The following MTMR6 variants were observed in gnomAD, a reference collection of about 807,000 sequenced individuals.
The protein encoded by MTMR6 is myotubularin related protein 6.
Under a neutral mutation model 80.1 loss-of-function variants are expected in MTMR6, and 47 were observed. The observed-to-expected ratio is 0.59, with a 90% CI of 0.46 to 0.75. The LOEUF (loss-of-function observed/expected upper bound fraction) is 0.75. Ranked by LOEUF, MTMR6 falls within the 30% of genes least tolerant of loss-of-function variation. The pLI is 0.00. For missense variants in MTMR6, 629 were observed against 730.9 expected (o/e 0.86, Z 1.61); for synonymous variants, 254 against 253.0 (o/e 1.00, Z -0.04).
rs555671827 is a variant in MTMR6, at chr13:25,256,892, T to C, written c.1095+304A>G. Among the ~76,000 whole-genome samples the C allele has an allele frequency of 5.3e-5, 8 of 152,258 alleles. No individual in the cohort carries two copies. The East Asian group carries it at 1.2e-3, about 22-fold the overall frequency. On this transcript the variant is annotated intron_variant, in intron 9 of 13. Transcript: ENST00000381801. ...ATTGCAACATTTTAGGAAAAAAAAT[T>C]ATTTAAATCTAAAGCTTATTGTCAG...
rs1957099513 is a variant in MTMR6, at chr13:25,251,992, T to C, written c.1347-8A>G. ...TAAGTCTTCTCCTTCAACCTTAATA[T>C]AATGAGAAAAACACAGAGATCTTTC... On this transcript the variant is annotated splice_region_variant and splice_polypyrimidine_tract_variant and intron_variant, in intron 11 of 13. Coordinates refer to ENST00000381801, the MANE Select transcript of MTMR6 (RefSeq NM_004685.5). The surrounding 1 kb of genome is among the most constrained non-coding windows in gnomAD (Gnocchi z 4.1). 6.2e-7 allele frequency: 1 copy of C among 1,606,188 alleles called. No homozygotes were observed. Among genetic ancestry groups the C allele is most frequent in the Admixed American group, 1.7e-5 (1 of 58,422 alleles).
chr13:25,263,932 C>CA (rs1957394686), intron 5 of MTMR6, among the ~76,000 whole-genome samples: 2 of 152,036 alleles, frequency 1.3e-5, no homozygotes, highest in South Asian at 4.1e-4. Flanking sequence ...TCCCAAGATA[C>CA]AAACCATTCC....
At chr13:25,271,049 G>A (rs923363507) in intron 2 of MTMR6, among the ~76,000 whole-genome samples, 2 of 152,134 alleles carry the variant, frequency 1.3e-5, no homozygotes, top group Non-Finnish European at 2.9e-5. Context: ...TTATGTGGGT[G>A]CTAAGCTCGA....
At position 25,273,759 on chromosome 13, in the gene MTMR6, T is replaced by G. The variant is rs373014872; in HGVS notation, c.141+312A>C. On this transcript the variant is annotated intron_variant, in intron 2 of 13. Coordinates refer to ENST00000381801, the MANE Select transcript of MTMR6 (RefSeq NM_004685.5). ...CCAGGCTGGTCTTGAACTCCTGACCTCGTGATCCACCCACCTCGGCCTCCC... is the reference window on the plus strand; with the variant it reads ...CCAGGCTGGTCTTGAACTCCTGACCGCGTGATCCACCCACCTCGGCCTCCC... Among the ~76,000 whole-genome samples the G allele has an allele frequency of 4.6e-5, 7 of 152,246 alleles. No homozygotes were observed. In the East Asian group the frequency reaches 9.7e-4, roughly 21 times the overall value.
chr13:25,253,604 G>A (rs1392488558), intron 11 of MTMR6, among the ~76,000 whole-genome samples, 160 bp downstream of exon 11: 1 of 151,846 alleles, frequency 6.6e-6, no homozygotes, highest in Non-Finnish European at 1.5e-5. Context: ...GAAAGGTGGG[G>A]GAATATTAGA....
At chr13:25,275,660 G>A (rs1475926761) in intron 1 of MTMR6, among the ~76,000 whole-genome samples, 1 of 151,924 alleles carries the variant, frequency 6.6e-6, no homozygotes, top group African/African-American at 2.4e-5. Flanking sequence ...AGGAGTTCAA[G>A]ACCAGCCTGC....
At chr13:25,252,049 A>G (rs1194682462) in intron 11 of MTMR6, 65 bp from the exon 12 acceptor site, 3 of 1,525,108 alleles carry the variant, frequency 2.0e-6, no homozygotes, top group African/African-American at 2.8e-5. Flanking sequence ...GGTAATATTC[A>G]TTTTTATAAA....
chr13:25,257,701 G>A (rs1460578092), intron 8 of MTMR6, 35 bp downstream of exon 8: 1 of 1,471,876 alleles, frequency 6.8e-7, no homozygotes, highest in African/African-American at 1.4e-5. Context: ...AATCATTATA[G>A]ACCCCAAGAC....
chr13:25,269,306 T>C (rs1957518510), intron 2 of MTMR6, among the ~76,000 whole-genome samples: 2 of 152,198 alleles, frequency 1.3e-5, no homozygotes, highest in Admixed American at 6.5e-5. Flanking sequence ...GCCAGAAATA[T>C]GGATGTCATC....
chr13:25,273,830 A>G (rs1305460267), intron 2 of MTMR6, among the ~76,000 whole-genome samples: 2 of 152,120 alleles, frequency 1.3e-5, no homozygotes, highest in African/African-American at 4.8e-5. Flanking sequence ...CGGCCTAGGA[A>G]CAACAGGTAT....
rs1340807260 is a variant in MTMR6 at position 25,257,190 on chromosome 13, C to A, written c.1095+6G>T. ...GAACCATTGGTCTAACCAAATAAAT[C>A]CTTACCATGAATCCTTTGATTGTCC... On this transcript the variant is annotated splice_donor_region_variant and intron_variant, in intron 9 of 13. Coordinates refer to ENST00000381801, the MANE Select transcript of MTMR6 (RefSeq NM_004685.5). 6.2e-7 allele frequency: 1 copy of A among 1,611,738 alleles called. No individual in the cohort carries two copies. Among genetic ancestry groups the A allele is most frequent in the African/African-American group, 1.3e-5 (1 of 74,906 alleles).
chr13:25,276,338 A>G (rs531119349), intron 1 of MTMR6, among the ~76,000 whole-genome samples: 2 of 152,368 alleles, frequency 1.3e-5, no homozygotes, highest in South Asian at 4.1e-4. Flanking sequence ...TTGTGTCCAC[A>G]TCATTCAGTA....
At chr13:25,253,454 A>G (rs2137523850) in intron 11 of MTMR6, among the ~76,000 whole-genome samples, 1 of 152,300 alleles carries the variant, frequency 6.6e-6, no homozygotes, top group Middle Eastern at 3.4e-3. Flanking sequence ...TGTTGACAAC[A>G]TTTCATATTC....
rs937229713 is a variant in MTMR6, at chr13:25,270,465, C to T, written c.142-2524G>A. On this transcript the variant is annotated intron_variant, in intron 2 of 13. Coordinates refer to ENST00000381801, the MANE Select transcript of MTMR6 (RefSeq NM_004685.5). ...TAACACAGATATCTTTTTGTTGCCC[C>T]TCAAACTACATTCCCAGCAGCTGAG... is the stretch of plus-strand genomic sequence containing the variant. Among the ~76,000 whole-genome samples, 6 of 152,212 alleles carry T rather than the reference C, an allele frequency of 3.9e-5. 1 individual carries two copies. The highest frequency in any genetic ancestry group is 6.5e-5 in the Admixed American group (1 of 15,290).
At position 25,285,155 on chromosome 13, in the gene MTMR6, A is replaced by G. The variant is rs548252106; in HGVS notation, c.24+2069T>C. Among the ~76,000 whole-genome samples the G allele has an allele frequency of 2.6e-5, 4 of 152,338 alleles. No individual in the cohort carries two copies. The South Asian group carries it at 8.3e-4, about 32-fold the overall frequency. ...CAGTTGGTAGATAAGGAGGAATATC[A>G]GACAAAATGAAAGTCACCAGTGACA... On this transcript the variant is annotated intron_variant, in intron 1 of 13. Coordinates refer to ENST00000381801, the MANE Select transcript of MTMR6 (RefSeq NM_004685.5).
chr13:25,265,749 GT>G, intron 5 of MTMR6, 69 bp downstream of exon 5: 2 of 1,396,254 alleles, frequency 1.4e-6, no homozygotes, highest in East Asian at 2.3e-5. Context: ...AAAAAAAAGT[GT>G]TATTTTAGAT....
chr13:25,279,471 AGCAGT>A (rs2137625139), intron 1 of MTMR6, among the ~76,000 whole-genome samples: 1 of 152,326 alleles, frequency 6.6e-6, no homozygotes, highest in South Asian at 2.1e-4. Flanking sequence ...TGTTCTTTAT[AGCAGT>A]GTGAAAATGG....
chr13:25,251,910 C>T lies in MTMR6; in HGVS notation c.1421G>A (p.Ser474Asn). Residue 474 changes from serine to asparagine, a missense_variant, in exon 12 of 14, where the codon AGT (serine) becomes AAT (asparagine). By Grantham distance (46) the Ser-to-Asn change is conservative. Transcript: ENST00000381801. The surrounding 1 kb of genome is among the most constrained non-coding windows in gnomAD (Gnocchi z 4.1). The stretch of plus-strand genomic sequence containing the variant: ...AACTGTAAATCTGTGAGATTCGGAA[C>T]TGTAGAGAGGATTTAAGTACTTCTT... ...DQKKYLNPLYSSESHRFTVLE... is the reference protein window; with the variant it reads ...DQKKYLNPLYNSESHRFTVLE... 6.2e-7 allele frequency: 1 copy of T among 1,608,774 alleles called. No homozygotes were observed. The highest frequency in any genetic ancestry group is 8.5e-7 in the Non-Finnish European group (1 of 1,178,476).
intron 3 of MTMR6, among the ~76,000 whole-genome samples, chr13:25,266,827 A>C (rs1382069642): frequency 1.3e-5 from 2 of 152,208 alleles, no homozygotes; most frequent in East Asian, 3.8e-4. Context: ...GCTCAGAGAG[A>C]AGAATGAACA....
Sources: allele counts gnomAD v4.1 joint callset (sites outside exome capture counted in the v4.1 genomes callset), GRCh38; gene constraint gnomAD v4.1.1; non-coding constraint Gnocchi (gnomAD v3.1); transcripts MANE v1.5; gene names NCBI Gene and HGNC (gene_info 2026-07-23, HGNC 2026-07-21).